Variants in JAZF1 observed in about 807,000 individuals in gnomAD.
JAZF1 encodes juxtaposed with another zinc finger protein 1.
Under a neutral mutation model 26.4 loss-of-function variants are expected in JAZF1, and 8 were observed. The observed-to-expected ratio is 0.30, with a 90% CI of 0.18 to 0.55. The LOEUF is 0.55. JAZF1 is among the 20% of genes least tolerant of loss of function. The probability of loss-of-function intolerance (pLI) is 0.94; values close to 1 mark genes in which losing one functional copy is unlikely to be tolerated. For missense variants in JAZF1, 199 were observed against 322.0 expected, an observed-to-expected ratio of 0.62 and a Z score of 2.92; for synonymous variants, 126 against 122.3, an observed-to-expected ratio of 1.03 and a Z score of -0.20.
At chr7:27,869,291 G>A (rs1363274374) in intron 3 of JAZF1, among the ~76,000 whole-genome samples, 1 of 151,742 alleles carries the variant, frequency 6.6e-6, no homozygotes, top group East Asian at 1.9e-4. Context: ...CCCGCACCCT[G>A]CTGTGAATGG....
At chr7:28,094,317 A>G (rs1784347436) in intron 1 of JAZF1, among the ~76,000 whole-genome samples, 1 of 152,158 alleles carries the variant, frequency 6.6e-6, no homozygotes, top group African/African-American at 2.4e-5. Context: ...CTCAGAACAG[A>G]GGCTACATTG....
At position 28,180,539 on chromosome 7, in the gene JAZF1, G is replaced by C. The variant is rs745866421; in HGVS notation, c.39C>G (p.Thr13=). The C allele has an allele frequency of 6.2e-7, 1 of 1,610,790 alleles. No homozygotes were observed. Among genetic ancestry groups the C allele is most frequent in the Non-Finnish European group, 8.5e-7 (1 of 1,178,810 alleles). Residue 13 remains threonine, a synonymous_variant, in exon 1 of 5, where the codon ACC becomes ACG. Transcript: ENST00000283928. ...GIAAASFFSN[T]CRFGGCGLHF... ...GGAGTCCGCAGCCCCCGAATCGGCA[G>C]GTATTGGAGAAGAAGGAGGCGGCGG...
At chr7:27,878,075 C>G (rs1783710791) in intron 3 of JAZF1, among the ~76,000 whole-genome samples, 1 of 151,950 alleles carries the variant, frequency 6.6e-6, no homozygotes, top group African/African-American at 2.4e-5. Context: ...GTCTGCAGGC[C>G]CAGAGGGAAT....
At chr7:27,959,899 CAAA>C (rs10592879) in intron 2 of JAZF1, among the ~76,000 whole-genome samples, 68,624 of 147,350 alleles carry the variant, frequency 0.47, 16,018 homozygotes, top group Non-Finnish European at 0.52. Context: ...GATGCTGTCT[CAAA>C]AAAAAAAAAA....
At chr7:27,964,993 T>C (rs541554844) in intron 2 of JAZF1, among the ~76,000 whole-genome samples, 1 of 152,156 alleles carries the variant, frequency 6.6e-6, no homozygotes. Context: ...ATTATCAGCA[T>C]GAGAATGACT....
chr7:28,150,930 T>C (rs1783103205), intron 1 of JAZF1, among the ~76,000 whole-genome samples: 6 of 152,188 alleles, frequency 3.9e-5, no homozygotes, highest in Admixed American at 3.9e-4. Context: ...CATTAAAAAT[T>C]TCATGCATGA....
chr7:28,117,083 A>T (rs566592940), intron 1 of JAZF1, among the ~76,000 whole-genome samples: 1 of 152,266 alleles, frequency 6.6e-6, no homozygotes, highest in South Asian at 2.1e-4. Flanking sequence ...CTTGGCCTTC[A>T]ATGAATAAGA....
At chr7:28,134,190 T>C (rs1274048775) in intron 1 of JAZF1, among the ~76,000 whole-genome samples, 1 of 152,214 alleles carries the variant, frequency 6.6e-6, no homozygotes, top group Non-Finnish European at 1.5e-5. Context: ...CTTTTTTTAA[T>C]TTGGGAATTT....
intron 1 of JAZF1, among the ~76,000 whole-genome samples, chr7:27,997,474 C>T (rs1786040523): frequency 6.6e-6 from 1 of 152,168 alleles, no homozygotes; most frequent in African/African-American, 2.4e-5. Flanking sequence ...TCTGGTGATT[C>T]CCTAATTAAA....
chr7:27,994,604 A>G (rs1785977185), intron 1 of JAZF1, among the ~76,000 whole-genome samples: 1 of 152,200 alleles, frequency 6.6e-6, no homozygotes, highest in Non-Finnish European at 1.5e-5. Flanking sequence ...TCCTTTTCAA[A>G]CAAATGTTTC....
chr7:28,004,203 G>A (rs141605169), intron 1 of JAZF1, among the ~76,000 whole-genome samples: 18 of 152,100 alleles, frequency 1.2e-4, no homozygotes, highest in African/African-American at 3.1e-4. Context: ...AACCAGAAAG[G>A]GGGGGTACCT....
chr7:27,908,899 T>C (rs1358393809), intron 2 of JAZF1, among the ~76,000 whole-genome samples: 1 of 152,244 alleles, frequency 6.6e-6, no homozygotes, highest in Non-Finnish European at 1.5e-5. Flanking sequence ...GTTGTAATTT[T>C]GTCTATTGAC....
At chr7:27,961,712 C>T (rs1785187501) in intron 2 of JAZF1, among the ~76,000 whole-genome samples, 1 of 152,192 alleles carries the variant, frequency 6.6e-6, no homozygotes, top group African/African-American at 2.4e-5. Flanking sequence ...GCTAGCTGGA[C>T]TTGTCCACCA....
intron 1 of JAZF1, among the ~76,000 whole-genome samples, chr7:27,997,216 G>T (rs1223954452): frequency 6.6e-6 from 1 of 152,150 alleles, no homozygotes; most frequent in Admixed American, 6.5e-5. Context: ...TATGGCAAAA[G>T]GCAAGTGAGG....
chr7:28,072,317 G>A (rs7456467), intron 1 of JAZF1, among the ~76,000 whole-genome samples: 19,649 of 152,182 alleles, frequency 0.13, 1,947 homozygotes, highest in East Asian at 0.42. Context: ...TGAACTGTGC[G>A]AAATGGCAGC....
intron 1 of JAZF1, among the ~76,000 whole-genome samples, chr7:28,123,721 T>C (rs1583573244): frequency 1.3e-5 from 2 of 152,078 alleles, no homozygotes; most frequent in Admixed American, 1.3e-4. Flanking sequence ...TACATACACA[T>C]CTATAGCAAT....
chr7:28,174,567 C>T (rs2127955481), intron 1 of JAZF1, among the ~76,000 whole-genome samples: 1 of 152,270 alleles, frequency 6.6e-6, no homozygotes, highest in Non-Finnish European at 1.5e-5. Flanking sequence ...TTTTGTCAAC[C>T]CAGTCAGTTA....
At chr7:27,961,745 T>C (rs762703237) in intron 2 of JAZF1, among the ~76,000 whole-genome samples, 3 of 152,184 alleles carry the variant, frequency 2.0e-5, no homozygotes, top group African/African-American at 4.8e-5. Context: ...CAAGGAAACA[T>C]TGTCATTTAA....
intron 1 of JAZF1, among the ~76,000 whole-genome samples, chr7:28,030,203 T>C (rs1783166393): frequency 6.6e-6 from 1 of 152,182 alleles, no homozygotes; most frequent in Non-Finnish European, 1.5e-5. Context: ...AATATACAGA[T>C]ACAGAACACA....
Sources: gnomAD v4.1 joint callset for allele counts (sites outside exome capture counted in the v4.1 genomes callset) on GRCh38, gnomAD v4.1.1 for gene constraint, MANE v1.5 for transcripts, NCBI Gene and HGNC (gene_info 2026-07-23, HGNC 2026-07-21) for gene names.